The following CCDC3 variants were observed in gnomAD, a reference collection of about 807,000 sequenced individuals.
CCDC3 encodes the protein coiled-coil domain-containing protein 3.
In CCDC3, 24 loss-of-function variants were observed where a neutral mutation model predicts 21.4. The observed-to-expected ratio is 1.12, with a 90% CI of 0.81 to 1.58. CCDC3 has a LOEUF of 1.58. Among genes scored for constraint, CCDC3 ranks in the 40% most tolerant of loss-of-function variants. The pLI, the probability that CCDC3 is intolerant of heterozygous loss-of-function variation, is 0.00. For missense variants in CCDC3, 425 were observed against 360.9 expected (o/e 1.18, Z -1.44); for synonymous variants, 186 against 166.0 (o/e 1.12, Z -0.93).
chr10:12,904,199 G>C (rs1172024000), intron 2 of CCDC3, among the ~76,000 whole-genome samples: 1 of 152,026 alleles, frequency 6.6e-6, no homozygotes, highest in Non-Finnish European at 1.5e-5. Flanking sequence ...GGGCATGGTG[G>C]CTCTCGCCTG....
At chr10:13,060,205 C>G (rs1166055327) in intron 4 of CCDC3, among the ~76,000 whole-genome samples, 1 of 152,090 alleles carries the variant, frequency 6.6e-6, no homozygotes, top group African/African-American at 2.4e-5. Context: ...CTATTTTTAC[C>G]TCGGCCTCAG....
chr10:12,908,485 A>G (rs1307008870), intron 2 of CCDC3, among the ~76,000 whole-genome samples: 2 of 152,178 alleles, frequency 1.3e-5, no homozygotes, highest in African/African-American at 4.8e-5. Flanking sequence ...CTAGTCTGTG[A>G]TACAAAGAAG....
At chr10:13,070,628 A>G (rs1458551738) in intron 4 of CCDC3, among the ~76,000 whole-genome samples, 6 of 152,246 alleles carry the variant, frequency 3.9e-5, no homozygotes. Context: ...TGCCCAACTC[A>G]TCGGTATTTG....
chr10:12,995,263 A>T (rs1446657008), intron 2 of CCDC3, among the ~76,000 whole-genome samples: 1 of 152,130 alleles, frequency 6.6e-6, no homozygotes, highest in Non-Finnish European at 1.5e-5. Context: ...TTGTTTTGAG[A>T]CAGAGTCTTG....
At chr10:12,906,270 C>T (rs1354551637) in intron 2 of CCDC3, among the ~76,000 whole-genome samples, 1 of 152,168 alleles carries the variant, frequency 6.6e-6, no homozygotes, top group Admixed American at 6.5e-5. Flanking sequence ...CTTGGCAGCT[C>T]GTTCTCTGCT....
intron 2 of CCDC3, among the ~76,000 whole-genome samples, chr10:13,098,881 T>A (rs1832671866): frequency 6.6e-6 from 1 of 151,826 alleles, no homozygotes; most frequent in Non-Finnish European, 1.5e-5. Context: ...CATGCCCGGC[T>A]AATTTTTGTA....
chr10:12,946,782 C>T (rs1834922488), intron 2 of CCDC3, among the ~76,000 whole-genome samples: 2 of 152,154 alleles, frequency 1.3e-5, no homozygotes, highest in Admixed American at 6.5e-5. Flanking sequence ...TGTCTTCTGC[C>T]TTTTCCCTCC....
chr10:13,023,301 A>G (rs1836171725), intron 5 of CCDC3, among the ~76,000 whole-genome samples: 1 of 152,130 alleles, frequency 6.6e-6, no homozygotes, highest in African/African-American at 2.4e-5. Context: ...TTGATTAGGT[A>G]GTTTTTTCTG....
At chr10:12,971,317 G>A (rs576240721) in intron 2 of CCDC3, among the ~76,000 whole-genome samples, 73 of 152,300 alleles carry the variant, frequency 4.8e-4, no homozygotes, top group South Asian at 3.3e-3. Context: ...CTATCCTTTC[G>A]GAAAGGAATG....
At chr10:12,901,494 C>T (rs1482792933) in intron 2 of CCDC3, among the ~76,000 whole-genome samples, 1 of 152,032 alleles carries the variant, frequency 6.6e-6, no homozygotes, top group Admixed American at 6.6e-5. Flanking sequence ...AGGATGGTCT[C>T]GATTTCCTGA....
intron 3 of CCDC3, among the ~76,000 whole-genome samples, chr10:13,086,006 G>C (rs912174229): frequency 1.3e-5 from 2 of 151,432 alleles, no homozygotes; most frequent in Admixed American, 6.6e-5. Flanking sequence ...AAGAGACCAA[G>C]TATATATTGA....
intron 3 of CCDC3, among the ~76,000 whole-genome samples, chr10:13,080,649 A>C (rs1014360433): frequency 2.6e-5 from 4 of 152,274 alleles, no homozygotes; most frequent in African/African-American, 7.2e-5. Context: ...AGAAAATCTT[A>C]TTCCAACTGC....
In CCDC3 at chr10:12,898,609, A is replaced by G. The variant is rs753281338; in HGVS notation, c.620T>C (p.Val207Ala). The G allele has an allele frequency of 4.3e-6, 7 of 1,614,056 alleles. No homozygotes were observed. The highest frequency in any genetic ancestry group is 5.9e-6 in the Non-Finnish European group (7 of 1,180,036). The change falls in exon 3 of 3, where the codon GTG (valine) becomes GCG (alanine). Residue 207 changes from valine to alanine, a missense_variant. Transcript: ENST00000378825. Reference protein sequence around the residue: ...EDHVKKLQQKVATLEKRNRQL... With the variant: ...EDHVKKLQQKAATLEKRNRQL... ...CCGGTTGCGCTTCTCCAGGGTGGCCACTTTCTGCTGCAGTTTCTTGACGTG... is the reference window on the plus strand; with the variant it reads ...CCGGTTGCGCTTCTCCAGGGTGGCCGCTTTCTGCTGCAGTTTCTTGACGTG...
intron 5 of CCDC3, among the ~76,000 whole-genome samples, chr10:13,022,089 T>C (rs1324392265): frequency 6.6e-6 from 1 of 151,940 alleles, no homozygotes; most frequent in Non-Finnish European, 1.5e-5. Context: ...ACCCATTCCT[T>C]CCTCCCCCAG....
intron 4 of CCDC3, among the ~76,000 whole-genome samples, chr10:13,051,184 C>A (rs1009808999): frequency 1.3e-5 from 2 of 152,136 alleles, no homozygotes. Flanking sequence ...TATTTCCAAC[C>A]GACTTACTCT....
chr10:12,934,465 T>C (rs1834702796), intron 2 of CCDC3, among the ~76,000 whole-genome samples: 1 of 152,238 alleles, frequency 6.6e-6, no homozygotes, highest in Non-Finnish European at 1.5e-5. Flanking sequence ...TTACATCCAG[T>C]TGACTGATGG....
chr10:12,946,966 G>A (rs568805055), intron 2 of CCDC3, among the ~76,000 whole-genome samples: 6 of 152,200 alleles, frequency 3.9e-5, no homozygotes, highest in Admixed American at 6.5e-5. Flanking sequence ...AAAACCGAAC[G>A]GAAAAGCAAA....
intron 2 of CCDC3, among the ~76,000 whole-genome samples, chr10:12,905,503 A>G (rs1229981445): frequency 2.6e-5 from 4 of 152,190 alleles, no homozygotes; most frequent in Non-Finnish European, 1.5e-5. Context: ...AAGGGTTTGA[A>G]AAAAACACCT....
intron 3 of CCDC3, among the ~76,000 whole-genome samples, chr10:13,088,813 A>C (rs1837143229): frequency 1.3e-5 from 2 of 152,214 alleles, no homozygotes; most frequent in South Asian, 4.1e-4. Context: ...ACCTGAGGTC[A>C]GGAGTTCGAG....
Sources: allele counts gnomAD v4.1 joint callset (sites outside exome capture counted in the v4.1 genomes callset), GRCh38; gene constraint gnomAD v4.1.1; transcripts MANE v1.5; gene names NCBI Gene and HGNC (gene_info 2026-07-23, HGNC 2026-07-21).